Variants in INPP5A observed in about 807,000 individuals in gnomAD.
INPP5A encodes the protein inositol polyphosphate-5-phosphatase A.
INPP5A carries 14 observed loss-of-function variants against 65.2 expected under a neutral mutation model. That is an observed-to-expected ratio of 0.21 (90% CI 0.14 to 0.34). INPP5A has a LOEUF of 0.34. Ranked by LOEUF, INPP5A falls within the 10% of genes least tolerant of loss-of-function variation. The pLI is 1.00. For synonymous variants in INPP5A, 207 were observed against 208.3 expected (o/e 0.99, Z 0.05); for missense variants, 431 against 545.6 (o/e 0.79, Z 2.09).
chr10:132,747,368 T>G (rs1385064880), intron 9 of INPP5A, among the ~76,000 whole-genome samples: 1 of 152,266 alleles, frequency 6.6e-6, no homozygotes, highest in African/African-American at 2.4e-5. Flanking sequence ...CGGTCTGTGC[T>G]CGGAATGTCA....
intron 1 of INPP5A, among the ~76,000 whole-genome samples, chr10:132,582,415 CT>C (rs34719567): frequency 0.23 from 31,019 of 132,806 alleles, 3,908 homozygotes; most frequent in East Asian, 0.46. Context: ...TTGTTGATAA[CT>C]TTTTTTTTTT....
chr10:132,591,255 A>C (rs1225493778), intron 1 of INPP5A, among the ~76,000 whole-genome samples: 1 of 152,200 alleles, frequency 6.6e-6, no homozygotes, highest in Non-Finnish European at 1.5e-5. Context: ...AGTTTAAAAA[A>C]AGTTAGAGTT....
chr10:132,635,407 TTTTTTTG>T (rs2072333135), intron 2 of INPP5A, among the ~76,000 whole-genome samples: 1 of 124,192 alleles, frequency 8.1e-6, no homozygotes, highest in African/African-American at 3.1e-5. Flanking sequence ...TTTTTTTTTT[TTTTTTTG>T]AGACGGAGTC....
intron 1 of INPP5A, among the ~76,000 whole-genome samples, chr10:132,570,953 C>T (rs979181290): frequency 1.3e-5 from 2 of 152,264 alleles, no homozygotes; most frequent in Non-Finnish European, 2.9e-5. Flanking sequence ...CTGCCTGGCT[C>T]TCCTGGTGGG....
At chr10:132,620,095 A>G (rs1407292232) in intron 2 of INPP5A, among the ~76,000 whole-genome samples, 1 of 152,230 alleles carries the variant, frequency 6.6e-6, no homozygotes, top group East Asian at 1.9e-4. Context: ...CTGAAGCTGC[A>G]CAGGACAGCA....
intron 1 of INPP5A, among the ~76,000 whole-genome samples, chr10:132,579,139 T>A (rs1268230021): frequency 6.6e-6 from 1 of 150,960 alleles, no homozygotes; most frequent in Non-Finnish European, 1.5e-5. Context: ...GGCTTCTGAG[T>A]GGCAGGGAGG....
At chr10:132,569,133 ATTC>A (rs1301352516) in intron 1 of INPP5A, among the ~76,000 whole-genome samples, 1 of 151,932 alleles carries the variant, frequency 6.6e-6, no homozygotes, top group East Asian at 1.9e-4. Context: ...TCTTACTGGT[ATTC>A]TTTTTTTGAA....
At chr10:132,771,695 G>A (rs1409802405) in intron 12 of INPP5A, among the ~76,000 whole-genome samples, 21 of 114,420 alleles carry the variant, frequency 1.8e-4, no homozygotes, top group African/African-American at 7.8e-4. Context: ...TGACACAGAG[G>A]CCACGGCAGC....
At chr10:132,572,238 TGGG>T (rs1002189459) in intron 1 of INPP5A, among the ~76,000 whole-genome samples, 2 of 151,160 alleles carry the variant, frequency 1.3e-5, no homozygotes, top group African/African-American at 4.9e-5. Flanking sequence ...CTGTGGCCCA[TGGG>T]GGGGCCTTCA....
Position 132,773,615 on chromosome 10 carries a change from G to A in INPP5A, c.978-4056G>A, listed in dbSNP as rs140645313. ...TGCTCAGGAGGGAGCGAGGCCGCCC[G>A]TCCGCCTGGTGGTCAGGAACCCTGG... On this transcript the variant is annotated intron_variant, in intron 12 of 15. Transcript: ENST00000368594. Among the ~76,000 whole-genome samples the A allele has an allele frequency of 4.8e-3, 735 of 152,344 alleles. 4 individuals are homozygous for A. The highest frequency in any genetic ancestry group is 0.017 in the African/African-American group (688 of 41,576).
At position 132,603,810 on chromosome 10, in the gene INPP5A, GC is replaced by G. The variant is rs1306306328; in HGVS notation, c.76-4102del. On this transcript the variant is annotated intron_variant, in intron 1 of 15. Transcript: ENST00000368594. This position sits in a 1 kb window ranked among gnomAD's most constrained non-coding sequence, Gnocchi z 4.2. ...CCACCTTTCCCTGCCTCCGTTTTCAGCCCTTGGTTCTGTACTGTGTGGACAT... is the reference window on the plus strand; with the variant it reads ...CCACCTTTCCCTGCCTCCGTTTTCAGCCTTGGTTCTGTACTGTGTGGACAT... Among the ~76,000 whole-genome samples, 1 of 152,106 alleles carries G rather than the reference GC, an allele frequency of 6.6e-6. No individual in the cohort carries two copies.
At chr10:132,630,817 G>A (rs911960383) in intron 2 of INPP5A, among the ~76,000 whole-genome samples, 4 of 152,250 alleles carry the variant, frequency 2.6e-5, no homozygotes, top group South Asian at 4.1e-4. Context: ...GGCGGGGGAC[G>A]TGCTTCTTAA....
intron 1 of INPP5A, among the ~76,000 whole-genome samples, chr10:132,569,819 T>C (rs369229054): frequency 8.1e-6 from 1 of 123,924 alleles, no homozygotes; most frequent in South Asian, 2.7e-4. Flanking sequence ...TGTTTTTTTT[T>C]AATTGAATTT....
At chr10:132,625,996 G>A (rs77360365) in intron 2 of INPP5A, among the ~76,000 whole-genome samples, 2,304 of 152,278 alleles carry the variant, frequency 0.015, 31 homozygotes, top group South Asian at 0.039. Flanking sequence ...TATAGTGCCC[G>A]CCCCAACATA....
intron 11 of INPP5A, among the ~76,000 whole-genome samples, chr10:132,752,487 AGTGGAAGGGGTGCAGT>A (rs1846506756): frequency 2.0e-5 from 1 of 50,136 alleles, no homozygotes; most frequent in Non-Finnish European, 4.0e-5. Flanking sequence ...AGGGGTGCAG[AGTGGAAGGGGTGCAGT>A]GTGGAGGGGC....
Position 132,645,001 on chromosome 10 carries a change from C to T in INPP5A, c.118-867C>T, listed in dbSNP as rs149561480. Among the ~76,000 whole-genome samples the T allele has an allele frequency of 1.8e-4, 28 of 152,266 alleles. No homozygotes were observed. The East Asian group carries it at 2.7e-3, about 15-fold the overall frequency. On this transcript the variant is annotated intron_variant, in intron 2 of 15. Coordinates refer to ENST00000368594, the MANE Select transcript of INPP5A (RefSeq NM_005539.5). ...GGGGAGGCCATGTCGATACTGCATC[C>T]GCTCTCTGAATTCTCTGCCCGCGCG...
rs1345191784 is a variant in INPP5A, at chr10:132,644,662, TCGTCCTTTTGGGCC to T, written c.118-1204_118-1191del. On this transcript the variant is annotated intron_variant, in intron 2 of 15. Coordinates refer to ENST00000368594, the MANE Select transcript of INPP5A (RefSeq NM_005539.5). The surrounding 1 kb of genome is among the most constrained non-coding windows in gnomAD (Gnocchi z 6.5). ...CGCCTTTCCGCTCCTCCAAGGAAGC[TCGTCCTTTTGGGCC>T]CTCAGTGGCTGTTGTAGCACCACCA... Among the ~76,000 whole-genome samples the T allele has an allele frequency of 6.6e-6, 1 of 152,206 alleles. No homozygotes were observed. The highest frequency in any genetic ancestry group is 2.4e-5 in the African/African-American group (1 of 41,456).
chr10:132,716,723 C>T (rs1029752051), intron 8 of INPP5A, among the ~76,000 whole-genome samples: 1 of 152,212 alleles, frequency 6.6e-6, no homozygotes, highest in Non-Finnish European at 1.5e-5. Context: ...TTCTGTGCCG[C>T]ACCAGTTTTT....
intron 13 of INPP5A, among the ~76,000 whole-genome samples, chr10:132,780,037 C>G (rs767596304): frequency 3.9e-5 from 6 of 152,388 alleles, no homozygotes; most frequent in Non-Finnish European, 1.5e-5. Context: ...CCGCTTCACC[C>G]GCGAGAGGCG....
Sources: gnomAD v4.1 joint callset for allele counts (sites outside exome capture counted in the v4.1 genomes callset) on GRCh38, gnomAD v4.1.1 for gene constraint, Gnocchi (gnomAD v3.1) non-coding constraint, MANE v1.5 for transcripts, NCBI Gene and HGNC (gene_info 2026-07-23, HGNC 2026-07-21) for gene names.